Variants in FAM3B observed in about 807,000 individuals in gnomAD.
The protein encoded by FAM3B is FAM3 metabolism regulating signaling molecule B.
In FAM3B, 29 loss-of-function variants were observed where a neutral mutation model predicts 28.4. That is an observed-to-expected ratio of 1.02 (90% CI 0.76 to 1.39). The LOEUF (loss-of-function observed/expected upper bound fraction) is 1.39, where lower values mean the gene tolerates loss of function less well. Ranked by LOEUF, FAM3B falls within the 40% of genes most tolerant of loss-of-function variation. FAM3B has a pLI of 0.00. For synonymous variants in FAM3B, 91 were observed against 103.0 expected, an observed-to-expected ratio of 0.88 and a Z score of 0.71; for missense variants, 266 against 293.9, an observed-to-expected ratio of 0.91 and a Z score of 0.69.
chr21:41,315,843 C>G (rs1404566978), upstream of FAM3B, among the ~76,000 whole-genome samples: 1 of 152,174 alleles, frequency 6.6e-6, no homozygotes. Context: ...GGGTGACCCA[C>G]AGGGTGGATA....
intron 1 of FAM3B, among the ~76,000 whole-genome samples, chr21:41,309,531 C>A (rs1050335170): frequency 1.3e-5 from 2 of 152,206 alleles, no homozygotes; most frequent in Admixed American, 6.5e-5. Context: ...GTCACAGTTG[C>A]AGATCAAACC....
At chr21:41,342,513 T>C (rs1242486031) in intron 3 of FAM3B, among the ~76,000 whole-genome samples, 1 of 152,222 alleles carries the variant, frequency 6.6e-6, no homozygotes, top group Non-Finnish European at 1.5e-5. Flanking sequence ...GTCTATTTTG[T>C]ATTTTCCATT....
intron 2 of FAM3B, among the ~76,000 whole-genome samples, chr21:41,337,642 A>T (rs1438171002): frequency 6.6e-6 from 1 of 151,642 alleles, no homozygotes; most frequent in Non-Finnish European, 1.5e-5. Flanking sequence ...GTGATATGGT[A>T]TGTGTTGGGG....
At chr21:41,338,642 T>C (rs2088977510) in intron 3 of FAM3B, 141 bp downstream of exon 3, 2 of 1,119,472 alleles carry the variant, frequency 1.8e-6, no homozygotes, top group Admixed American at 2.8e-5. Flanking sequence ...AGCATCCAAG[T>C]GGAAATGAGA....
rs1052591280 is a variant in FAM3B, at chr21:41,326,350, A to G, written c.163+3284A>G. On this transcript the variant is annotated intron_variant, in intron 2 of 7. Coordinates refer to ENST00000357985, the MANE Select transcript of FAM3B (RefSeq NM_058186.4). This position sits in a 1 kb window ranked among gnomAD's most constrained non-coding sequence, Gnocchi z 4.0. ...GGATGGGGGACTCAGAAAGCTACTG[A>G]CTCTTTTTTTAAATGACACATGGGT... Among the ~76,000 whole-genome samples, 2 of 151,468 alleles carry G rather than the reference A, an allele frequency of 1.3e-5. No homozygotes were observed. The highest frequency in any genetic ancestry group is 4.9e-5 in the African/African-American group (2 of 41,196).
intron 2 of FAM3B, among the ~76,000 whole-genome samples, chr21:41,332,822 C>G (rs1284221905): frequency 6.6e-6 from 1 of 152,046 alleles, no homozygotes; most frequent in African/African-American, 2.4e-5. Flanking sequence ...TTTGAGTCTT[C>G]TCTTTCTTTT....
In FAM3B at chr21:41,338,396, A is replaced by G. The variant is rs778491676; in HGVS notation, c.182A>G (p.Gln61Arg). The change falls in exon 3 of 8, where the codon CAA (glutamine) becomes CGA (arginine). Residue 61 changes from glutamine (Q) to arginine (R), a missense_variant. By Grantham distance (43) the Gln-to-Arg change is conservative. Transcript: ENST00000357985. ...ATTACAGCTCCAGTCCCCAAAAGGC[A>G]AAAATGTGACCACTGGACTCCCTGC... ...PVLKAPVPKRQKCDHWTPCPS... is the reference protein window; with the variant it reads ...PVLKAPVPKRRKCDHWTPCPS... 1.2e-5 allele frequency: 20 copies of G among 1,614,058 alleles called. No homozygotes were observed. The East Asian group carries it at 4.5e-4, about 36-fold the overall frequency.
intron 1 of FAM3B, chr21:41,322,538 C>T (rs933992101): frequency 1.4e-6 from 1 of 710,456 alleles, no homozygotes. Flanking sequence ...GGAGCGTGCT[C>T]AAATCCAGTT....
chr21:41,341,121 C>G (rs895352408), intron 3 of FAM3B, among the ~76,000 whole-genome samples: 1 of 151,968 alleles, frequency 6.6e-6, no homozygotes, highest in South Asian at 2.1e-4. Context: ...CAGTTATGAC[C>G]TTGGCTTTCT....
At chr21:41,315,840 C>G (rs1448276492), upstream of FAM3B, among the ~76,000 whole-genome samples, 1 of 152,112 alleles carries the variant, frequency 6.6e-6, no homozygotes, top group Admixed American at 6.6e-5. Context: ...CCAGGGTGAC[C>G]CACAGGGTGG....
At chr21:41,311,015 A>G (rs181328128) in intron 1 of FAM3B, among the ~76,000 whole-genome samples, 18 of 151,456 alleles carry the variant, frequency 1.2e-4, no homozygotes, top group Admixed American at 1.2e-3. Context: ...CTGACTCTAA[A>G]CCTAGGTTAT....
At chr21:41,340,423 A>G (rs941056698) in intron 3 of FAM3B, among the ~76,000 whole-genome samples, 20 of 152,120 alleles carry the variant, frequency 1.3e-4, no homozygotes, top group African/African-American at 4.3e-4. Context: ...AAGTGCTGGG[A>G]TTACAGGCAT....
chr21:41,345,121 C>A (rs2145825757), intron 4 of FAM3B, among the ~76,000 whole-genome samples: 2 of 152,300 alleles, frequency 1.3e-5, no homozygotes, highest in South Asian at 4.1e-4. Context: ...ATCTGACAGC[C>A]CTGAAGGAGG....
chr21:41,339,504 A>G (rs1381014337), intron 3 of FAM3B, among the ~76,000 whole-genome samples: 1 of 152,194 alleles, frequency 6.6e-6, no homozygotes, highest in African/African-American at 2.4e-5. Flanking sequence ...CAAGCAATGC[A>G]TTTGTTTCTA....
chr21:41,338,554 C>T, intron 3 of FAM3B, 53 bp downstream of exon 3: 2 of 1,604,222 alleles, frequency 1.2e-6, no homozygotes, highest in Non-Finnish European at 1.7e-6. Flanking sequence ...ATTCTTGCCC[C>T]TTCCCTGAGG....
At chr21:41,316,408 A>G (rs1190103625), upstream of FAM3B, among the ~76,000 whole-genome samples, 2 of 152,232 alleles carry the variant, frequency 1.3e-5, no homozygotes, top group Non-Finnish European at 2.9e-5. Context: ...ATGGCCTCAG[A>G]CAGTGGACAT....
intron 7 of FAM3B, among the ~76,000 whole-genome samples, chr21:41,349,170 G>A (rs192539146): frequency 3.3e-5 from 5 of 152,324 alleles, no homozygotes; most frequent in Admixed American, 3.3e-4. Flanking sequence ...CTGGGCACGT[G>A]ATTGATTCTA....
At chr21:41,309,115 G>A (rs1187534953) in intron 1 of FAM3B, among the ~76,000 whole-genome samples, 2 of 152,204 alleles carry the variant, frequency 1.3e-5, no homozygotes, top group Non-Finnish European at 2.9e-5. Context: ...TTGCCTAATG[G>A]GTAAAAGACA....
At chr21:41,310,286 A>G (rs977235308) in intron 1 of FAM3B, among the ~76,000 whole-genome samples, 10 of 151,106 alleles carry the variant, frequency 6.6e-5, no homozygotes, top group Non-Finnish European at 1.2e-4. Context: ...CCACGTGACC[A>G]TACACACTCT....
Sources: allele counts gnomAD v4.1 joint callset (sites outside exome capture counted in the v4.1 genomes callset), GRCh38; gene constraint gnomAD v4.1.1; non-coding constraint Gnocchi (gnomAD v3.1); transcripts MANE v1.5; gene names NCBI Gene and HGNC (gene_info 2026-07-23, HGNC 2026-07-21).